Variants in CALD1 observed in about 807,000 individuals in gnomAD.
The protein encoded by CALD1 is caldesmon 1, also known as caldesmon.
In CALD1, 33 loss-of-function variants were observed where a neutral mutation model predicts 99.9. The observed-to-expected ratio is 0.33, with a 90% CI of 0.25 to 0.44. The LOEUF is 0.44. Ranked by LOEUF, CALD1 falls within the 20% of genes least tolerant of loss-of-function variation. The probability of loss-of-function intolerance (pLI) is 1.00; values close to 1 mark genes in which losing one functional copy is unlikely to be tolerated. For synonymous variants in CALD1, 310 were observed against 325.0 expected (o/e 0.95, Z 0.50); for missense variants, 861 against 962.1 (o/e 0.89, Z 1.39).
Position 134,968,421 on chromosome 7 carries a change from AT to A in CALD1, c.*79del. 7.9e-7 allele frequency: 1 copy of A among 1,263,432 alleles called. No homozygotes were observed. Among genetic ancestry groups the A allele is most frequent in the Non-Finnish European group, 1.2e-6 (1 of 861,818 alleles). 78.3% of individuals were successfully genotyped at this position (1,263,432 alleles called of 1,614,324 possible). On this transcript the variant is annotated 3_prime_UTR_variant, in exon 15 of 15. Transcript: ENST00000361675. The stretch of plus-strand genomic sequence containing the variant: ...AGAGGGCTAATTCGCTCTGTTTTGT[AT>A]TTATGTTGATTTACTAAATTGGGTT...
At chr7:134,788,029 T>C (rs148699090) in intron 1 of CALD1, among the ~76,000 whole-genome samples, 69 of 152,296 alleles carry the variant, frequency 4.5e-4, no homozygotes, top group African/African-American at 1.5e-3. Context: ...CTGTCCCCAC[T>C]TTCTCTGCAC....
intron 9 of CALD1, among the ~76,000 whole-genome samples, chr7:134,957,517 T>C (rs970806759): frequency 6.6e-6 from 1 of 152,130 alleles, no homozygotes; most frequent in Admixed American, 6.5e-5. Flanking sequence ...CCTCCCAGGT[T>C]CAAGCAATTC....
intron 1 of CALD1, among the ~76,000 whole-genome samples, chr7:134,840,030 A>G (rs1473868128): frequency 2.6e-5 from 4 of 152,182 alleles, no homozygotes; most frequent in African/African-American, 9.7e-5. Flanking sequence ...TTCTCAATCT[A>G]TGGCTAGCAT....
chr7:134,803,471 C>T (rs1798022202), intron 1 of CALD1, among the ~76,000 whole-genome samples: 1 of 151,862 alleles, frequency 6.6e-6, no homozygotes, highest in Admixed American at 6.6e-5. Flanking sequence ...ATCTAGGTTG[C>T]AAGGATCTTC....
the CALD1 span, among the ~76,000 whole-genome samples, chr7:134,732,637 C>G: frequency 6.6e-6 from 1 of 152,204 alleles, no homozygotes; most frequent in Non-Finnish European, 1.5e-5. Context: ...ATTACCAAAT[C>G]TAAGATATTT....
chr7:134,857,439 G>A (rs895730443), intron 2 of CALD1, among the ~76,000 whole-genome samples: 2 of 151,800 alleles, frequency 1.3e-5, no homozygotes, highest in African/African-American at 4.8e-5. Context: ...TTACAAGCGT[G>A]AGCCACCGCG....
At position 134,941,077 on chromosome 7, in the gene CALD1, T is replaced by C; in HGVS notation, c.1387-15T>C. ...TTTCTTGTTCTGTTTCTTCCTGATATGTACTGTTGGTTAGATCAAAGATGA... is the reference window on the plus strand; with the variant it reads ...TTTCTTGTTCTGTTTCTTCCTGATACGTACTGTTGGTTAGATCAAAGATGA... On this transcript the variant is annotated splice_polypyrimidine_tract_variant and intron_variant, in intron 6 of 14. Transcript: ENST00000361675. 1 of 1,589,822 alleles carries C rather than the reference T, an allele frequency of 6.3e-7. No individual in the cohort carries two copies. The highest frequency in any genetic ancestry group is 8.5e-7 in the Non-Finnish European group (1 of 1,172,448).
chr7:134,726,466 G>C, the CALD1 span, among the ~76,000 whole-genome samples: 1,244 of 132,406 alleles, frequency 9.4e-3, 36 homozygotes, highest in African/African-American at 0.029. Flanking sequence ...ATATTATATA[G>C]CTTTAGATAT....
intron 7 of CALD1, among the ~76,000 whole-genome samples, chr7:134,942,764 G>T (rs1002883647): frequency 2.0e-5 from 3 of 152,108 alleles, no homozygotes; most frequent in Admixed American, 2.0e-4. Flanking sequence ...GTTCTTTTAA[G>T]GTATAAGTTT....
intron 2 of CALD1, among the ~76,000 whole-genome samples, chr7:134,863,118 C>T (rs189426734): frequency 2.6e-4 from 40 of 152,278 alleles, no homozygotes; most frequent in Non-Finnish European, 3.8e-4. Flanking sequence ...CCACCCTAAT[C>T]ACCTCATCTT....
intron 1 of CALD1, among the ~76,000 whole-genome samples, chr7:134,795,538 T>C (rs990554749): frequency 2.6e-5 from 4 of 152,122 alleles, no homozygotes; most frequent in East Asian, 3.9e-4. Flanking sequence ...AACAGTGAAA[T>C]AGATATTTTA....
At chr7:134,848,969 G>A (rs920569855) in intron 2 of CALD1, among the ~76,000 whole-genome samples, 6 of 151,994 alleles carry the variant, frequency 3.9e-5, no homozygotes, top group Non-Finnish European at 5.9e-5. Context: ...TCCATCTCAC[G>A]TGCCATATTA....
At chr7:134,746,642 A>G (rs1480313619) in intron 1 of CALD1, among the ~76,000 whole-genome samples, 1 of 152,234 alleles carries the variant, frequency 6.6e-6, no homozygotes, top group Non-Finnish European at 1.5e-5. Context: ...AGAAAAAAGG[A>G]GAGCTGTAGA....
intron 8 of CALD1, 122 bp from the exon 9 acceptor site, chr7:134,950,252 G>A: frequency 2.4e-6 from 2 of 842,846 alleles, no homozygotes; most frequent in Non-Finnish European, 3.7e-6. Context: ...ACCTAGAAGG[G>A]GAGTGTCCAG....
At chr7:134,816,117 G>C (rs1447129152) in intron 1 of CALD1, among the ~76,000 whole-genome samples, 1 of 152,122 alleles carries the variant, frequency 6.6e-6, no homozygotes, top group African/African-American at 2.4e-5. Context: ...TCCAGGAGTA[G>C]TCATCTCCAG....
the CALD1 span, among the ~76,000 whole-genome samples, chr7:134,715,284 C>G: frequency 6.6e-6 from 1 of 152,186 alleles, no homozygotes; most frequent in Non-Finnish European, 1.5e-5. Context: ...AACAGCATTT[C>G]TCTCTTGAAA....
chr7:134,891,581 C>A, intron 3 of CALD1: 1 of 1,591,868 alleles, frequency 6.3e-7, no homozygotes, highest in South Asian at 1.1e-5. Flanking sequence ...GGCCAGGTCT[C>A]CGTATCTCTC....
chr7:134,766,357 G>A (rs1796826933), intron 1 of CALD1, among the ~76,000 whole-genome samples: 1 of 151,762 alleles, frequency 6.6e-6, no homozygotes. Context: ...TGTTGGCCAG[G>A]CTAGTCTCGA....
chr7:134,968,664 C>T lies in CALD1; in HGVS notation c.*319C>T, dbSNP rs146819597. On this transcript the variant is annotated 3_prime_UTR_variant, in exon 15 of 15. Transcript: ENST00000361675. ...CCACATCTGAAGTCAACAGAAGATC[C>T]AAGTTTAAAATTGCCTGCGGAATGT... 853 of 567,228 alleles carry T rather than the reference C, an allele frequency of 1.5e-3. 7 individuals are homozygous for T. The highest frequency in any genetic ancestry group is 0.014 in the African/African-American group (756 of 53,726). The allele number at this position is 567,228 out of a possible 1,614,324, so 35.1% of individuals were successfully genotyped here.
Sources: gnomAD v4.1 joint callset for allele counts (sites outside exome capture counted in the v4.1 genomes callset) on GRCh38, gnomAD v4.1.1 for gene constraint, MANE v1.5 for transcripts, NCBI Gene and HGNC (gene_info 2026-07-23, HGNC 2026-07-21) for gene names.